PCDHGB5: variants seen among roughly 807,000 people sequenced by gnomAD.
PCDHGB5 encodes the protein protocadherin gamma-B5.
A neutral mutation model predicts 62.9 loss-of-function variants in PCDHGB5; 48 were observed. The observed-to-expected ratio is 0.76, with a 90% CI of 0.61 to 0.97. The LOEUF (loss-of-function observed/expected upper bound fraction) is 0.97, where lower values mean the gene tolerates loss of function less well. Among genes scored for constraint, PCDHGB5 ranks in the 50% least tolerant of loss-of-function variants. The probability of loss-of-function intolerance (pLI) is 0.00; values close to 1 mark genes in which losing one functional copy is unlikely to be tolerated. For synonymous variants in PCDHGB5, 474 were observed against 511.2 expected, an observed-to-expected ratio of 0.93 and a Z score of 0.98; for missense variants, 1,118 against 1,198.6, an observed-to-expected ratio of 0.93 and a Z score of 0.99.
At chr5:141,403,105 C>T in intron 1 of PCDHGB5, 1 of 1,614,056 alleles carries the variant, frequency 6.2e-7, no homozygotes. Flanking sequence ...TCTCCAAGGA[C>T]CTGGCTCTGG....
rs373286702 is a variant in PCDHGB5, at chr5:141,421,190, A to T, written c.2397+20666A>T. ...TACATAAGCCGATTCACAACCAACC[A>T]GCTCGAGAAACCGCGGAATATCGGC... On this transcript the variant is annotated intron_variant, in intron 1 of 3. Transcript: ENST00000617380. The T allele has an allele frequency of 4.7e-6, 7 of 1,480,168 alleles. No homozygotes were observed. The South Asian group carries it at 9.4e-5, about 20-fold the overall frequency. 91.7% of individuals were successfully genotyped at this position (1,480,168 alleles called of 1,614,324 possible).
Position 141,491,265 on chromosome 5 carries a change from CA to C in PCDHGB5, c.2398-3539del. ...AGGATGAGGACCCTGAGGAAATGCC[CA>C]AATCCAGTGACTTCCTCATACACCC... On this transcript the variant is annotated intron_variant, in intron 1 of 3. Coordinates refer to ENST00000617380, the MANE Select transcript of PCDHGB5 (RefSeq NM_018925.3). This position sits in a 1 kb window ranked among gnomAD's most constrained non-coding sequence, Gnocchi z 6.9. 1 of 1,614,074 alleles carries C rather than the reference CA, an allele frequency of 6.2e-7. No individual in the cohort carries two copies.
At chr5:141,416,846 A>G (rs1412860680) in intron 1 of PCDHGB5, 2 of 152,120 alleles carry the variant, frequency 1.3e-5, no homozygotes, top group Non-Finnish European at 2.9e-5. Flanking sequence ...TTATAATTCC[A>G]TGATTTTTTT....
chr5:141,469,573 CTAAA>C (rs1209972534), intron 1 of PCDHGB5, among the ~76,000 whole-genome samples: 2 of 151,554 alleles, frequency 1.3e-5, no homozygotes, highest in Non-Finnish European at 2.9e-5. Flanking sequence ...GACTCTGTCT[CTAAA>C]TAAATAAATA....
rs760680204 is a variant in PCDHGB5, at chr5:141,477,505, CG to C, written c.2398-17301del. ...CACAATCTTCTCAATCTTCCTACGA[CG>C]TTTACATTGAAGAAAACAACCTCCC... On this transcript the variant is annotated intron_variant, in intron 1 of 3. Coordinates refer to ENST00000617380, the MANE Select transcript of PCDHGB5 (RefSeq NM_018925.3). The surrounding 1 kb of genome is among the most constrained non-coding windows in gnomAD (Gnocchi z 4.9). The C allele has an allele frequency of 1.2e-5, 19 of 1,614,008 alleles. No individual in the cohort carries two copies. The highest frequency in any genetic ancestry group is 8.5e-7 in the Non-Finnish European group (1 of 1,180,018).
intron 2 of PCDHGB5, among the ~76,000 whole-genome samples, chr5:141,501,290 TACACACACACACACACACACACAC>T (rs55762287): frequency 7.3e-6 from 1 of 136,162 alleles, no homozygotes; most frequent in African/African-American, 2.7e-5. Flanking sequence ...TATTCCCTTA[TACACACACACACACACACACACAC>T]ACACACACAC....
intron 1 of PCDHGB5, among the ~76,000 whole-genome samples, chr5:141,450,013 T>A (rs1178482524): frequency 7.4e-6 from 1 of 135,940 alleles, no homozygotes; most frequent in African/African-American, 3.2e-5. Flanking sequence ...TCTCTTTTTT[T>A]TTTTTTTTTT....
In PCDHGB5 at chr5:141,489,681, A is replaced by T; in HGVS notation, c.2398-5126A>T. ...AGATGCGCATCTCAGAATCAGCAGC[A>T]TCTGGGGCACGATTCCCACTGGACA... On this transcript the variant is annotated intron_variant, in intron 1 of 3. Transcript: ENST00000617380. This position sits in a 1 kb window ranked among gnomAD's most constrained non-coding sequence, Gnocchi z 4.5. 1 of 1,614,174 alleles carries T rather than the reference A, an allele frequency of 6.2e-7. No individual in the cohort carries two copies. The highest frequency in any genetic ancestry group is 8.5e-7 in the Non-Finnish European group (1 of 1,180,010).
In PCDHGB5 at chr5:141,400,505, C is replaced by T. The variant is rs759107285; in HGVS notation, c.2378C>T (p.Ser793Leu). The stretch of plus-strand genomic sequence containing the variant: ...TTTCCACTTTGTAATTCCAGCGAGT[C>T]GACTTCCCATCCTGAGTTGGTGAGT... ...ALFPLCNSSE[S>L]TSHPELQAPP... Residue 793 changes from serine (S) to leucine (L), a missense_variant, in exon 1 of 4, where the codon TCG becomes TTG. Ser to Leu is a moderately radical substitution (Grantham distance 145, BLOSUM62 -2). Around this residue, in one of 2 missense-constraint regions of PCDHGB5, gnomAD observed 1,034 missense variants for 1,029.1 expected, o/e 1.00. Transcript: ENST00000617380. 9 of 1,613,816 alleles carry T rather than the reference C, an allele frequency of 5.6e-6. No homozygotes were observed. In the African/African-American group the frequency reaches 6.7e-5, roughly 12 times the overall value.
chr5:141,450,678 G>C (rs1038323301), intron 1 of PCDHGB5, among the ~76,000 whole-genome samples: 1 of 151,854 alleles, frequency 6.6e-6, no homozygotes, highest in Non-Finnish European at 1.5e-5. Context: ...GTAGAAACGG[G>C]GTTTTGCCAT....
intron 1 of PCDHGB5, among the ~76,000 whole-genome samples, chr5:141,467,330 G>T (rs1335387199): frequency 6.6e-6 from 1 of 152,138 alleles, no homozygotes; most frequent in East Asian, 1.9e-4. Context: ...TGGGATTAGA[G>T]ACGTAAGCCA....
chr5:141,477,171 TCA>T lies in PCDHGB5; in HGVS notation c.2398-17633_2398-17632del, dbSNP rs772104411. On this transcript the variant is annotated intron_variant, in intron 1 of 3. Transcript: ENST00000617380. This position sits in a 1 kb window ranked among gnomAD's most constrained non-coding sequence, Gnocchi z 4.9. ...GATGTGAATGACAACGCCCCGGAGA[TCA>T]CAGTCACCTCCGTGTACAGCCCAGT... 6.2e-7 allele frequency: 1 copy of T among 1,614,072 alleles called. No individual in the cohort carries two copies. Among genetic ancestry groups the T allele is most frequent in the Non-Finnish European group, 8.5e-7 (1 of 1,179,988 alleles).
At position 141,431,026 on chromosome 5, in the gene PCDHGB5, G is replaced by A; in HGVS notation, c.2397+30502G>A. On this transcript the variant is annotated intron_variant, in intron 1 of 3. Coordinates refer to ENST00000617380, the MANE Select transcript of PCDHGB5 (RefSeq NM_018925.3). This position sits in a 1 kb window ranked among gnomAD's most constrained non-coding sequence, Gnocchi z 4.8. Reference sequence around the variant, plus strand: ...GCGGCAGCTTGGTCACGGCGGGCAGGATAGACCGGGAGGAGCTCTGTATGG... The same window carrying A: ...GCGGCAGCTTGGTCACGGCGGGCAGAATAGACCGGGAGGAGCTCTGTATGG... The A allele has an allele frequency of 1.2e-6, 2 of 1,614,118 alleles. No homozygotes were observed. The highest frequency in any genetic ancestry group is 1.7e-6 in the Non-Finnish European group (2 of 1,179,960).
intron 3 of PCDHGB5, among the ~76,000 whole-genome samples, chr5:141,506,598 G>A (rs1056005258): frequency 6.6e-6 from 1 of 152,130 alleles, no homozygotes; most frequent in Non-Finnish European, 1.5e-5. Context: ...CAGTATTAAC[G>A]GATCTCATTG....
chr5:141,454,842 C>T lies in PCDHGB5; in HGVS notation c.2398-39965C>T, dbSNP rs543795114. 1.2e-4 allele frequency among the ~76,000 whole-genome samples: 12 copies of T among 101,680 alleles called. No homozygotes were observed. The East Asian group carries it at 3.9e-3, about 33-fold the overall frequency. 66.7% of individuals were successfully genotyped at this position (101,680 alleles called of 152,430 possible). ...TTTTTTTTTGAGACAGAGTCGCGCTCTGTCACCCAGGCTGGAGTGCAGTGG... is the reference window on the plus strand; with the variant it reads ...TTTTTTTTTGAGACAGAGTCGCGCTTTGTCACCCAGGCTGGAGTGCAGTGG... On this transcript the variant is annotated intron_variant, in intron 1 of 3. Coordinates refer to ENST00000617380, the MANE Select transcript of PCDHGB5 (RefSeq NM_018925.3).
At position 141,490,003 on chromosome 5, in the gene PCDHGB5, G is replaced by A. The variant is rs2099694760; in HGVS notation, c.2398-4804G>A. On this transcript the variant is annotated intron_variant, in intron 1 of 3. Transcript: ENST00000617380. This position sits in a 1 kb window ranked among gnomAD's most constrained non-coding sequence, Gnocchi z 5.4. ...TCTACGTGTGGGAATCCCAGAGAAT[G>A]CACCCATTGGTACTCTGCTGCTCCG... 6.2e-7 allele frequency: 1 copy of A among 1,614,204 alleles called. No homozygotes were observed. Among genetic ancestry groups the A allele is most frequent in the Non-Finnish European group, 8.5e-7 (1 of 1,180,008 alleles).
At chr5:141,429,297 T>C (rs985228754) in intron 1 of PCDHGB5, 7 of 152,208 alleles carry the variant, frequency 4.6e-5, no homozygotes, top group Admixed American at 3.3e-4. Flanking sequence ...GGGACATCAA[T>C]ATTTGAGTAT....
intron 2 of PCDHGB5, among the ~76,000 whole-genome samples, chr5:141,495,407 C>T: frequency 6.6e-6 from 1 of 152,218 alleles, no homozygotes; most frequent in East Asian, 1.9e-4. Flanking sequence ...AGGCCCCCTT[C>T]TCCGGCCCCT....
intron 2 of PCDHGB5, among the ~76,000 whole-genome samples, chr5:141,499,256 A>G (rs371266271): frequency 6.6e-6 from 1 of 151,968 alleles, no homozygotes; most frequent in Non-Finnish European, 1.5e-5. Context: ...AAGAGTCTCC[A>G]TTTGGTCCCT....
Sources: allele counts gnomAD v4.1 joint callset (sites outside exome capture counted in the v4.1 genomes callset), GRCh38; gene constraint gnomAD v4.1.1; regional missense constraint gnomAD v4.1.1; non-coding constraint Gnocchi (gnomAD v3.1); transcripts MANE v1.5; gene names NCBI Gene and HGNC (gene_info 2026-07-23, HGNC 2026-07-21).